The following FAT3 variants were observed in gnomAD, a reference collection of about 807,000 sequenced individuals.
FAT3 encodes the protein FAT atypical cadherin 3, also known as protocadherin Fat 3.
Under a neutral mutation model 310.2 loss-of-function variants are expected in FAT3, and 95 were observed. That is an observed-to-expected ratio of 0.31 (90% confidence interval 0.26 to 0.36). FAT3 has a LOEUF of 0.36. FAT3 is among the 10% of genes least tolerant of loss of function. The pLI is 1.00. For synonymous variants in FAT3, 2,314 were observed against 2,192.9 expected, an observed-to-expected ratio of 1.06 and a Z score of -1.54; for missense variants, 5,408 against 5,715.6, an observed-to-expected ratio of 0.95 and a Z score of 1.74.
chr11:92,741,369 GAGAC>G (rs1945503734), intron 4 of FAT3, among the ~76,000 whole-genome samples: 1 of 152,164 alleles, frequency 6.6e-6, no homozygotes, highest in South Asian at 2.1e-4. Flanking sequence ...ACTTTTGGAA[GAGAC>G]AGACAAAGTG....
At chr11:92,302,959 C>T (rs1013908109) in intron 1 of FAT3, among the ~76,000 whole-genome samples, 3 of 152,068 alleles carry the variant, frequency 2.0e-5, no homozygotes, top group African/African-American at 7.2e-5. Context: ...GAGCGGGTGC[C>T]TGTGGAAAAA....
intron 1 of FAT3, among the ~76,000 whole-genome samples, chr11:92,324,689 G>C (rs1396763960): frequency 1.3e-5 from 2 of 152,200 alleles, no homozygotes; most frequent in African/African-American, 4.8e-5. Context: ...CATGCTGTTG[G>C]AAAAATGGCG....
chr11:92,676,558 G>A (rs1943294632), intron 3 of FAT3, among the ~76,000 whole-genome samples: 1 of 152,116 alleles, frequency 6.6e-6, no homozygotes, highest in South Asian at 2.1e-4. Flanking sequence ...AAATTACCTG[G>A]TGCCCGGCCT....
intron 4 of FAT3, among the ~76,000 whole-genome samples, chr11:92,722,101 T>G (rs1944878385): frequency 6.6e-6 from 1 of 152,084 alleles, no homozygotes; most frequent in Non-Finnish European, 1.5e-5. Context: ...ATTTCAGCAT[T>G]AACTCAAAAG....
chr11:92,602,435 C>T (rs1427723602), intron 3 of FAT3, among the ~76,000 whole-genome samples: 4 of 152,100 alleles, frequency 2.6e-5, no homozygotes, highest in Admixed American at 1.3e-4. Flanking sequence ...TATTTTTGTC[C>T]CAATTTTGCT....
In FAT3 at chr11:92,353,409, C is replaced by G; in HGVS notation, c.1297C>G (p.Arg433Gly). ...TCGGTCGGGTCTGATTGTTACAGCACGGCCACTGAATACTGTTAAGAAGGA... is the reference window on the plus strand; with the variant it reads ...TCGGTCGGGTCTGATTGTTACAGCAGGGCCACTGAATACTGTTAAGAAGGA... ...NPRSGLIVTA[R>G]PLNTVKKEVY... The change falls in exon 2 of 28, where the codon CGG (arginine) becomes GGG (glycine). Residue 433 changes from arginine to glycine, a missense_variant. Arg to Gly is a moderately radical substitution (Grantham distance 125, BLOSUM62 -2). Coordinates refer to ENST00000525166, the MANE Select transcript of FAT3 (RefSeq NM_001367949.2). The G allele has an allele frequency of 6.2e-7, 1 of 1,613,374 alleles. No individual in the cohort carries two copies. The highest frequency in any genetic ancestry group is 8.5e-7 in the Non-Finnish European group (1 of 1,179,728).
chr11:92,250,639 A>C (rs1387406174), intron 1 of FAT3, among the ~76,000 whole-genome samples: 1 of 152,164 alleles, frequency 6.6e-6, no homozygotes, highest in African/African-American at 2.4e-5. Context: ...AACTGCATTC[A>C]AGAATGTCTG....
intron 3 of FAT3, among the ~76,000 whole-genome samples, chr11:92,570,577 A>G (rs1955636824): frequency 6.6e-6 from 1 of 152,162 alleles, no homozygotes; most frequent in African/African-American, 2.4e-5. Flanking sequence ...GATTTTACCC[A>G]TCAGAATATT....
chr11:92,826,550 A>G (rs1298119169), intron 13 of FAT3, among the ~76,000 whole-genome samples: 1 of 152,236 alleles, frequency 6.6e-6, no homozygotes, highest in African/African-American at 2.4e-5. Context: ...GACATTTGTC[A>G]GAATGTATGA....
At chr11:92,281,421 A>C (rs1946417786) in intron 1 of FAT3, among the ~76,000 whole-genome samples, 1 of 152,218 alleles carries the variant, frequency 6.6e-6, no homozygotes, top group African/African-American at 2.4e-5. Context: ...ACACACATGC[A>C]AATGAGTTCA....
intron 1 of FAT3, among the ~76,000 whole-genome samples, chr11:92,254,209 C>T (rs915844796): frequency 3.9e-5 from 6 of 152,170 alleles, no homozygotes; most frequent in Non-Finnish European, 7.3e-5. Context: ...CTTCTGTCAT[C>T]TATTGAAATT....
In FAT3 at chr11:92,273,220, A is replaced by G. The variant is rs1946176680; in HGVS notation, c.-18+48046A>G. 2.0e-5 allele frequency among the ~76,000 whole-genome samples: 3 copies of G among 152,110 alleles called. 1 individual carries two copies. In the South Asian group the frequency reaches 6.2e-4, roughly 31 times the overall value. On this transcript the variant is annotated intron_variant, in intron 1 of 27. Coordinates refer to ENST00000525166, the MANE Select transcript of FAT3 (RefSeq NM_001367949.2). ...TTATCTCATGTATTTTATAAAAGTG[A>G]TGCCAAATCTGTTTCTGGGGAACTT...
chr11:92,653,647 A>G (rs1314413614), intron 3 of FAT3, among the ~76,000 whole-genome samples: 2 of 152,220 alleles, frequency 1.3e-5, no homozygotes, highest in East Asian at 1.9e-4. Flanking sequence ...TTGTTTCACA[A>G]TAGAGCTTAA....
intron 3 of FAT3, among the ~76,000 whole-genome samples, chr11:92,616,498 G>A (rs1326646461): frequency 3.9e-5 from 6 of 152,140 alleles, no homozygotes; most frequent in Non-Finnish European, 7.4e-5. Flanking sequence ...ATATTGTTAT[G>A]TGTGAATTTG....
rs1213713591 is a variant in FAT3 at position 92,895,889 on chromosome 11, C to T, written c.*4776C>T. 1.3e-5 allele frequency: 2 copies of T among 151,066 alleles called. No individual in the cohort carries two copies. The highest frequency in any genetic ancestry group is 2.4e-5 in the African/African-American group (1 of 40,898). The allele number at this position is 151,066 out of a possible 1,614,324, so 9.4% of individuals were successfully genotyped here. On this transcript the variant is annotated 3_prime_UTR_variant, in exon 28 of 28. Coordinates refer to ENST00000525166, the MANE Select transcript of FAT3 (RefSeq NM_001367949.2). ...GTCGAATATAATTGTAAGTCATCCA[C>T]GCTGTTGGTCTGCAAACTTTTGAGG...
intron 2 of FAT3, chr11:92,408,056 C>G (rs1054159778): frequency 2.6e-5 from 4 of 152,174 alleles, no homozygotes; most frequent in African/African-American, 9.7e-5. Flanking sequence ...CCTTTATTTT[C>G]TCATCATTCT....
At chr11:92,832,036 A>G in intron 14 of FAT3, 25 bp downstream of exon 14, 1 of 1,509,930 alleles carries the variant, frequency 6.6e-7, no homozygotes, top group Non-Finnish European at 8.9e-7. Flanking sequence ...CTGTACTTAG[A>G]ATACAGAGCT....
intron 3 of FAT3, among the ~76,000 whole-genome samples, chr11:92,644,908 T>C (rs1298321128): frequency 6.6e-6 from 1 of 152,184 alleles, no homozygotes; most frequent in Non-Finnish European, 1.5e-5. Flanking sequence ...AAATATAAAG[T>C]CTTGGGGAAG....
chr11:92,740,249 G>C (rs1304964607), intron 4 of FAT3, among the ~76,000 whole-genome samples: 1 of 152,072 alleles, frequency 6.6e-6, no homozygotes, highest in Non-Finnish European at 1.5e-5. Flanking sequence ...CAATGTTTTT[G>C]GCTGGGCAAA....
Sources: allele counts gnomAD v4.1 joint callset (sites outside exome capture counted in the v4.1 genomes callset), GRCh38; gene constraint gnomAD v4.1.1; transcripts MANE v1.5; gene names NCBI Gene and HGNC (gene_info 2026-07-23, HGNC 2026-07-21).